Variants in ABI3BP observed in about 807,000 individuals in gnomAD.
The protein encoded by ABI3BP is target of Nesh-SH3.
Under a neutral mutation model 268.6 loss-of-function variants are expected in ABI3BP, and 216 were observed. That is an observed-to-expected ratio of 0.80 (90% CI 0.72 to 0.90). The LOEUF is 0.90. Among genes scored for constraint, ABI3BP ranks in the 40% least tolerant of loss-of-function variants. The pLI is 0.00. For missense variants in ABI3BP, 2,090 were observed against 2,182.4 expected (o/e 0.96, Z 0.84); for synonymous variants, 730 against 730.0 (o/e 1.00, Z 0.00).
intron 1 of ABI3BP, among the ~76,000 whole-genome samples, chr3:100,991,411 T>C (rs1471500400): frequency 2.0e-5 from 3 of 152,196 alleles, no homozygotes; most frequent in African/African-American, 7.2e-5. Context: ...CAAATGAGTG[T>C]GAGAAACAAA....
At chr3:100,877,859 C>T (rs1315882864) in intron 6 of ABI3BP, among the ~76,000 whole-genome samples, 4 of 152,158 alleles carry the variant, frequency 2.6e-5, no homozygotes, top group Admixed American at 1.3e-4. Context: ...AGGGCAAACA[C>T]CTGGTAGTGA....
In ABI3BP at chr3:100,840,846, G is replaced by C. The variant is rs1332856269; in HGVS notation, c.1778C>G (p.Pro593Arg). ...PSQSTIGPET[P>R]GTKPSTTLAP... ...TAATGTTGTTGAAGGTTTGGTTCCT[G>C]GTGTTTCAGGTCCTAAGACAATGTG... Residue 593 changes from proline (P) to arginine (R), a missense_variant, in exon 22 of 68, where the codon CCA (proline) becomes CGA (arginine). Pro to Arg is a moderately radical substitution (Grantham distance 103). Transcript: ENST00000471714. 1 of 1,534,860 alleles carries C rather than the reference G, an allele frequency of 6.5e-7. No homozygotes were observed. Among genetic ancestry groups the C allele is most frequent in the South Asian group, 1.2e-5 (1 of 83,876 alleles).
At position 100,926,388 on chromosome 3, in the gene ABI3BP, C is replaced by A. The variant is rs778788338; in HGVS notation, c.173G>T (p.Gly58Val). 2.5e-6 allele frequency: 4 copies of A among 1,613,452 alleles called. No homozygotes were observed. The highest frequency in any genetic ancestry group is 4.5e-5 in the East Asian group (2 of 44,856). The change falls in exon 2 of 68, where the codon GGT (glycine) becomes GTT (valine). Residue 58 changes from glycine to valine, a missense_variant. Coordinates refer to ENST00000471714, the MANE Select transcript of ABI3BP (RefSeq NM_001375547.2). ...LRPSPNVKLE[G>V]LLLGYGSNVS... Reference sequence around the variant, plus strand: ...ATTGCTGCCATATCCCAGGAGAAGACCTTCAAGCTTTACATTTGGACTTGG... The same window carrying A: ...ATTGCTGCCATATCCCAGGAGAAGAACTTCAAGCTTTACATTTGGACTTGG...
At chr3:100,756,573 T>C (rs2095629316) in intron 63 of ABI3BP, among the ~76,000 whole-genome samples, 1 of 152,166 alleles carries the variant, frequency 6.6e-6, no homozygotes, top group Non-Finnish European at 1.5e-5. Context: ...TACAGTGAAC[T>C]GAAAATGGAA....
intron 4 of ABI3BP, among the ~76,000 whole-genome samples, chr3:100,888,574 G>A (rs963681681): frequency 2.0e-5 from 3 of 152,066 alleles, no homozygotes; most frequent in African/African-American, 4.8e-5. Context: ...ATAAATAAAT[G>A]AGACAGAAAT....
At chr3:100,889,501 A>G (rs1376098524) in intron 4 of ABI3BP, among the ~76,000 whole-genome samples, 1 of 152,186 alleles carries the variant, frequency 6.6e-6, no homozygotes, top group African/African-American at 2.4e-5. Flanking sequence ...ACCATAACAT[A>G]TAGTCACAGT....
chr3:100,979,757 A>G (rs1388560722), intron 1 of ABI3BP, among the ~76,000 whole-genome samples: 6 of 152,238 alleles, frequency 3.9e-5, no homozygotes, highest in African/African-American at 1.4e-4. Context: ...TGAATGGCCA[A>G]TAAAGAACAA....
At chr3:100,854,848 A>AT (rs2098921972) in intron 14 of ABI3BP, among the ~76,000 whole-genome samples, 1 of 152,172 alleles carries the variant, frequency 6.6e-6, no homozygotes, top group Non-Finnish European at 1.5e-5. Context: ...TTACTTTCAG[A>AT]TTTTCCAGAG....
At chr3:100,884,911 T>A (rs1449681305) in intron 6 of ABI3BP, among the ~76,000 whole-genome samples, 1 of 152,086 alleles carries the variant, frequency 6.6e-6, no homozygotes, top group Non-Finnish European at 1.5e-5. Flanking sequence ...CTTACAGTCA[T>A]CCCAGGTGGG....
At chr3:100,957,801 C>T (rs1030293046) in intron 1 of ABI3BP, among the ~76,000 whole-genome samples, 2 of 152,210 alleles carry the variant, frequency 1.3e-5, no homozygotes, top group Non-Finnish European at 2.9e-5. Flanking sequence ...GCTCCTGATG[C>T]AGGGAAATTG....
chr3:100,967,647 T>G (rs2081894090), intron 1 of ABI3BP, among the ~76,000 whole-genome samples: 1 of 152,202 alleles, frequency 6.6e-6, no homozygotes, highest in African/African-American at 2.4e-5. Context: ...TTTATGGTGA[T>G]TTGCTCATGC....
intron 51 of ABI3BP, 82 bp downstream of exon 51, chr3:100,804,710 A>G: frequency 8.1e-7 from 1 of 1,234,042 alleles, no homozygotes; most frequent in Non-Finnish European, 1.2e-6. Flanking sequence ...TATTGACCTC[A>G]CTTCCACCAA....
chr3:100,850,716 A>G lies in ABI3BP; in HGVS notation c.1370T>C (p.Leu457Pro). ...DSYTATSDRI[L>P]DSIPPKTSRT... is the part of the protein sequence containing the mutation. ...AGAAGTTTTAGGTGGGATAGAATCCAGAATACGATCACTTGTTGCTGTTGG... is the reference window on the plus strand; with the variant it reads ...AGAAGTTTTAGGTGGGATAGAATCCGGAATACGATCACTTGTTGCTGTTGG... Residue 457 changes from leucine to proline, a missense_variant, in exon 16 of 68, where the codon CTG becomes CCG. Leu to Pro is a moderately conservative substitution (Grantham distance 98, BLOSUM62 -3). Transcript: ENST00000471714. 6.2e-7 allele frequency: 1 copy of G among 1,613,102 alleles called. No homozygotes were observed. The highest frequency in any genetic ancestry group is 1.3e-5 in the African/African-American group (1 of 75,022).
rs369011935 is a variant in ABI3BP at position 100,766,573 on chromosome 3, AAAAC to A, written c.4742-628_4742-625del. On this transcript the variant is annotated intron_variant, in intron 62 of 67. Coordinates refer to ENST00000471714, the MANE Select transcript of ABI3BP (RefSeq NM_001375547.2). ...CCCATGATTATTTTCCTTGTATTGA[AAAAC>A]AAATTAATGTCCTTAAAGTCTGCAT... Among the ~76,000 whole-genome samples the A allele has an allele frequency of 1.6e-3, 244 of 152,322 alleles. 1 individual carries two copies. Among genetic ancestry groups the A allele is most frequent in the African/African-American group, 5.6e-3 (234 of 41,574 alleles).
intron 18 of ABI3BP, among the ~76,000 whole-genome samples, chr3:100,848,019 A>G (rs1413888966): frequency 6.6e-6 from 1 of 152,120 alleles, no homozygotes; most frequent in Non-Finnish European, 1.5e-5. Context: ...TCCAAATCCT[A>G]CATGTATTTT....
At chr3:100,855,636 G>A (rs2098930729) in intron 14 of ABI3BP, among the ~76,000 whole-genome samples, 1 of 152,202 alleles carries the variant, frequency 6.6e-6, no homozygotes, top group South Asian at 2.1e-4. Flanking sequence ...TTAGTTTGGA[G>A]AATAAATGAA....
intron 63 of ABI3BP, among the ~76,000 whole-genome samples, chr3:100,759,417 CAG>C (rs1436849695): frequency 1.3e-5 from 2 of 152,130 alleles, no homozygotes; most frequent in Non-Finnish European, 2.9e-5. Flanking sequence ...TCTGGGAACA[CAG>C]ATAAGGAGCA....
intron 2 of ABI3BP, among the ~76,000 whole-genome samples, chr3:100,921,838 T>A (rs1045711387): frequency 6.6e-6 from 1 of 152,256 alleles, no homozygotes; most frequent in African/African-American, 2.4e-5. Context: ...AATGATTATT[T>A]AGTGGAAGTC....
chr3:100,961,918 C>T (rs962515403), intron 1 of ABI3BP, among the ~76,000 whole-genome samples: 2 of 152,128 alleles, frequency 1.3e-5, no homozygotes, highest in South Asian at 2.1e-4. Context: ...AACCTCCAAA[C>T]GCTTAGCTTA....
Sources: gnomAD v4.1 joint callset for allele counts (sites outside exome capture counted in the v4.1 genomes callset) on GRCh38, gnomAD v4.1.1 for gene constraint, MANE v1.5 for transcripts, NCBI Gene and HGNC (gene_info 2026-07-23, HGNC 2026-07-21) for gene names.